Variants in ADGRE3 observed in about 807,000 individuals in gnomAD.
The protein encoded by ADGRE3 is adhesion G protein-coupled receptor E3, also known as EGF-like module receptor 3.
ADGRE3 carries 88 observed loss-of-function variants against 80.1 expected under a neutral mutation model. The ratio of observed to expected loss-of-function variants is 1.10; its 90% confidence interval spans 0.93 to 1.31. ADGRE3 has a LOEUF of 1.31. Ranked by LOEUF, ADGRE3 falls within the 40% of genes most tolerant of loss-of-function variation. The pLI, the probability that ADGRE3 is intolerant of heterozygous loss-of-function variation, is 0.00. For missense variants in ADGRE3, 715 were observed against 776.5 expected (o/e 0.92, Z 0.94); for synonymous variants, 281 against 294.8 (o/e 0.95, Z 0.48).
intron 6 of ADGRE3, among the ~76,000 whole-genome samples, chr19:14,651,822 G>T (rs1456891326): frequency 6.6e-6 from 1 of 152,074 alleles, no homozygotes; most frequent in Non-Finnish European, 1.5e-5. Context: ...CAGGTGGATT[G>T]CTTGAGGCCA....
At chr19:14,610,093 T>A in the ADGRE3 span, 3 of 1,613,306 alleles carry the variant, frequency 1.9e-6, no homozygotes, top group Admixed American at 1.7e-5. Flanking sequence ...CCCAATAACA[T>A]CCACGATGAG....
At chr19:14,603,734 G>A in the ADGRE3 span, among the ~76,000 whole-genome samples, 9 of 152,090 alleles carry the variant, frequency 5.9e-5, no homozygotes, top group African/African-American at 1.7e-4. Context: ...CCGAAGTGCC[G>A]GGATTACAGG....
intron 5 of ADGRE3, among the ~76,000 whole-genome samples, chr19:14,657,715 T>A (rs1033914121): frequency 6.6e-6 from 1 of 150,500 alleles, no homozygotes; most frequent in Non-Finnish European, 1.5e-5. Context: ...GAGTTTTGCA[T>A]CCTGCCTATA....
chr19:14,657,748 T>A lies in ADGRE3; in HGVS notation c.393+765A>T, dbSNP rs1032815377. 2.0e-3 allele frequency among the ~76,000 whole-genome samples: 295 copies of A among 147,390 alleles called. 2 individuals are homozygous for A. Among genetic ancestry groups the A allele is most frequent in the African/African-American group, 5.0e-3 (190 of 38,186 alleles). ...ATATATACATATATATATATATATTTTTTTGTTTGTTTGTTTGTTTTGTTT... is the reference window on the plus strand; with the variant it reads ...ATATATACATATATATATATATATTATTTTGTTTGTTTGTTTGTTTTGTTT... On this transcript the variant is annotated intron_variant, in intron 5 of 15. Coordinates refer to ENST00000253673, the MANE Select transcript of ADGRE3 (RefSeq NM_032571.5).
chr19:14,606,063 G>A, the ADGRE3 span, among the ~76,000 whole-genome samples: 1 of 152,054 alleles, frequency 6.6e-6, no homozygotes, highest in African/African-American at 2.4e-5. Context: ...CCAAAGCTAG[G>A]AAACCTACTT....
the ADGRE3 span, among the ~76,000 whole-genome samples, chr19:14,609,694 C>T: frequency 2.6e-5 from 4 of 151,878 alleles, no homozygotes; most frequent in Admixed American, 6.6e-5. Context: ...AAAAACTAGC[C>T]GGGTGTGGTG....
chr19:14,670,218 G>T (rs576592498), intron 1 of ADGRE3, among the ~76,000 whole-genome samples: 2 of 152,254 alleles, frequency 1.3e-5, no homozygotes, highest in South Asian at 2.1e-4. Flanking sequence ...GCTGGGCATT[G>T]TCCCTTCACC....
chr19:14,617,401 T>TCTTTCTTTCTTTCTTTCTTTCTTTCTTG, downstream of ADGRE3, among the ~76,000 whole-genome samples: 1 of 146,704 alleles, frequency 6.8e-6, no homozygotes, highest in Admixed American at 7.1e-5. Flanking sequence ...TTTCTTTCTT[T>TCTTTCTTTCTTTCTTTCTTTCTTTCTTG]TCTTTCTCTC....
At position 14,644,094 on chromosome 19, in the gene ADGRE3, C is replaced by T; in HGVS notation, c.1050+14G>A. On this transcript the variant is annotated intron_variant, in intron 9 of 15. Coordinates refer to ENST00000253673, the MANE Select transcript of ADGRE3 (RefSeq NM_032571.5). ...GAAAGTATTTGCTGGAAGAATAAAACATATACATCATACCTGGCTGGTCAG... is the reference window on the plus strand; with the variant it reads ...GAAAGTATTTGCTGGAAGAATAAAATATATACATCATACCTGGCTGGTCAG... 6.3e-6 allele frequency: 9 copies of T among 1,429,434 alleles called. No homozygotes were observed. Among genetic ancestry groups the T allele is most frequent in the Non-Finnish European group, 7.4e-6 (8 of 1,081,856 alleles). 88.5% of individuals were successfully genotyped at this position (1,429,434 alleles called of 1,614,324 possible).
At chr19:14,662,948 C>T (rs945695938) in intron 3 of ADGRE3, among the ~76,000 whole-genome samples, 3 of 150,396 alleles carry the variant, frequency 2.0e-5, no homozygotes, top group South Asian at 2.1e-4. Flanking sequence ...CATGGTGGCA[C>T]GCCTGTAGTT....
At chr19:14,650,974 G>T in intron 7 of ADGRE3, 111 bp downstream of exon 7, 1 of 1,110,202 alleles carries the variant, frequency 9.0e-7, no homozygotes, top group Non-Finnish European at 1.3e-6. Context: ...CAATATCGTA[G>T]TTTGAGGGTA....
intron 14 of ADGRE3, among the ~76,000 whole-genome samples, chr19:14,627,982 G>T (rs545619139): frequency 1.3e-5 from 2 of 151,770 alleles, no homozygotes; most frequent in Admixed American, 6.6e-5. Flanking sequence ...CACAAAATTA[G>T]CTGGGTGTGG....
chr19:14,652,788 AAG>A (rs1410075050), intron 6 of ADGRE3, among the ~76,000 whole-genome samples: 14 of 131,730 alleles, frequency 1.1e-4, no homozygotes, highest in African/African-American at 3.7e-4. Flanking sequence ...AAAAAAAAAA[AAG>A]AAAAAAAAAA....
intron 8 of ADGRE3, among the ~76,000 whole-genome samples, chr19:14,646,351 T>G (rs1971397547): frequency 6.6e-6 from 1 of 152,182 alleles, no homozygotes; most frequent in Non-Finnish European, 1.5e-5. Context: ...CTTGACCTCA[T>G]GATCCCCCCA....
the ADGRE3 span, among the ~76,000 whole-genome samples, chr19:14,600,735 C>T: frequency 3.8e-4 from 58 of 151,230 alleles, no homozygotes; most frequent in Non-Finnish European, 7.2e-4. Context: ...GTGCCCACCA[C>T]CACGCCCGGC....
chr19:14,652,034 T>A (rs766375089), intron 6 of ADGRE3, among the ~76,000 whole-genome samples: 9 of 152,040 alleles, frequency 5.9e-5, no homozygotes, highest in Non-Finnish European at 1.2e-4. Flanking sequence ...GGAGTGAGAC[T>A]CTGTCTCAAA....
Position 14,668,784 on chromosome 19 carries a change from C to T in ADGRE3, c.76+18G>A. On this transcript the variant is annotated intron_variant, in intron 2 of 15. Transcript: ENST00000253673. ...GCCCTTGGTCCACAAGTTCTCTGTT[C>T]TGGCTCTGAGCACTCACTTTTGGTT... The T allele has an allele frequency of 2.5e-6, 4 of 1,613,036 alleles. No homozygotes were observed. The highest frequency in any genetic ancestry group is 3.4e-6 in the Non-Finnish European group (4 of 1,179,148).
At chr19:14,663,064 G>C (rs1041026787) in intron 3 of ADGRE3, among the ~76,000 whole-genome samples, 1 of 151,952 alleles carries the variant, frequency 6.6e-6, no homozygotes, top group Non-Finnish European at 1.5e-5. Context: ...GTGCAGTGGT[G>C]CAATCTCGGC....
chr19:14,668,693 A>T (rs758200652), intron 2 of ADGRE3, 109 bp downstream of exon 2: 2 of 783,912 alleles, frequency 2.6e-6, no homozygotes, highest in African/African-American at 3.5e-5. Flanking sequence ...AAGCCTTCCC[A>T]AATATTGCTC....
Sources: gnomAD v4.1 joint callset for allele counts (sites outside exome capture counted in the v4.1 genomes callset) on GRCh38, gnomAD v4.1.1 for gene constraint, MANE v1.5 for transcripts, NCBI Gene and HGNC (gene_info 2026-07-23, HGNC 2026-07-21) for gene names.